The following SRD5A2 variants were observed in gnomAD, a reference collection of about 807,000 sequenced individuals.
SRD5A2 encodes 3-oxo-5-alpha-steroid 4-dehydrogenase 2.
A neutral mutation model predicts 27.4 loss-of-function variants in SRD5A2; 30 were observed. That is an observed-to-expected ratio of 1.10 (90% CI 0.82 to 1.49). The LOEUF is 1.49. Among genes scored for constraint, SRD5A2 ranks in the 40% most tolerant of loss-of-function variants. SRD5A2 has a pLI of 0.00. For synonymous variants in SRD5A2, 141 were observed against 133.6 expected (o/e 1.06, Z -0.38); for missense variants, 348 against 323.4 (o/e 1.08, Z -0.58).
At chr2:31,615,792 C>T in the SRD5A2 span, among the ~76,000 whole-genome samples, 2 of 152,130 alleles carry the variant, frequency 1.3e-5, no homozygotes, top group South Asian at 4.1e-4. Flanking sequence ...GCAGCTTGTC[C>T]AATCAAGAGG....
chr2:31,649,701 T>C, the SRD5A2 span, among the ~76,000 whole-genome samples: 2 of 152,068 alleles, frequency 1.3e-5, no homozygotes, highest in Admixed American at 6.5e-5. Flanking sequence ...GAGTGTATCA[T>C]TGTAATTTCT....
intron 1 of SRD5A2, among the ~76,000 whole-genome samples, chr2:31,578,708 C>A (rs373315851): frequency 9.2e-5 from 14 of 152,194 alleles, no homozygotes; most frequent in African/African-American, 3.4e-4. Flanking sequence ...ATCTCCAAGT[C>A]CTTTACTAAT....
chr2:31,657,378 T>G, the SRD5A2 span, among the ~76,000 whole-genome samples: 4 of 152,190 alleles, frequency 2.6e-5, no homozygotes, highest in Non-Finnish European at 5.9e-5. Flanking sequence ...ATTTAATGAT[T>G]TATAATAGGT....
At chr2:31,574,907 T>C (rs763420123) in intron 1 of SRD5A2, among the ~76,000 whole-genome samples, 2 of 152,236 alleles carry the variant, frequency 1.3e-5, no homozygotes, top group Non-Finnish European at 1.5e-5. Flanking sequence ...ACCACATTCA[T>C]CTGTTTACAT....
Position 31,550,409 on chromosome 2 carries a change from A to C in SRD5A2, c.282-16643T>G, listed in dbSNP as rs1208712170. On this transcript the variant is annotated intron_variant, in intron 1 of 4. Transcript: ENST00000622030. ...TATTACCCTAATCCAAAAAAAAAAA[A>C]GGTAAAGATAAACCAGATAAAGACA... Among the ~76,000 whole-genome samples the C allele has an allele frequency of 4.0e-5, 6 of 151,230 alleles. No homozygotes were observed. The South Asian group carries it at 1.2e-3, about 31-fold the overall frequency.
the SRD5A2 span, among the ~76,000 whole-genome samples, chr2:31,621,948 T>G: frequency 1.1e-5 from 1 of 91,868 alleles, no homozygotes; most frequent in South Asian, 3.4e-4. Flanking sequence ...CTGACAGGTT[T>G]GTAATTTTTT....
chr2:31,629,743 C>T, the SRD5A2 span, among the ~76,000 whole-genome samples: 471 of 152,254 alleles, frequency 3.1e-3, 4 homozygotes, highest in African/African-American at 0.011. Context: ...GTTGCCCATG[C>T]GTGCACCCCT....
upstream of SRD5A2, among the ~76,000 whole-genome samples, chr2:31,583,928 G>C (rs1231561186): frequency 6.6e-6 from 1 of 152,114 alleles, no homozygotes; most frequent in African/African-American, 2.4e-5. Flanking sequence ...GTGGGCAAGA[G>C]CCTTTACTGT....
chr2:31,611,939 G>C, the SRD5A2 span, among the ~76,000 whole-genome samples: 2 of 152,124 alleles, frequency 1.3e-5, no homozygotes, highest in Non-Finnish European at 2.9e-5. Context: ...AGAAAAACAA[G>C]TTGGGGCATA....
the SRD5A2 span, among the ~76,000 whole-genome samples, chr2:31,592,158 TAA>T: frequency 4.3e-5 from 6 of 140,714 alleles, no homozygotes; most frequent in African/African-American, 2.6e-5. Context: ...TTTCAGCAAT[TAA>T]AAAAAAAAAA....
the SRD5A2 span, among the ~76,000 whole-genome samples, chr2:31,643,875 C>T: frequency 4.6e-5 from 7 of 152,160 alleles, no homozygotes; most frequent in South Asian, 8.3e-4. Flanking sequence ...GGAACACTTC[C>T]TTACAATAGA....
chr2:31,569,507 T>C (rs1405576286), intron 1 of SRD5A2, among the ~76,000 whole-genome samples: 1 of 152,154 alleles, frequency 6.6e-6, no homozygotes, highest in African/African-American at 2.4e-5. Flanking sequence ...ATAATGAGCA[T>C]CCTTTCATGT....
At chr2:31,654,833 A>G in the SRD5A2 span, among the ~76,000 whole-genome samples, 3 of 152,144 alleles carry the variant, frequency 2.0e-5, no homozygotes, top group Non-Finnish European at 4.4e-5. Context: ...GAGACATGCT[A>G]AATCCTCTTC....
chr2:31,616,713 C>T, the SRD5A2 span, among the ~76,000 whole-genome samples: 2 of 152,258 alleles, frequency 1.3e-5, no homozygotes, highest in South Asian at 2.1e-4. Flanking sequence ...AAGGGACTTG[C>T]CTTGCTTCAG....
chr2:31,648,920 C>A, the SRD5A2 span, among the ~76,000 whole-genome samples: 1 of 152,186 alleles, frequency 6.6e-6, no homozygotes. Context: ...CAGGCACCTG[C>A]ATTCCTAGAA....
chr2:31,593,684 A>G, the SRD5A2 span, among the ~76,000 whole-genome samples: 1 of 152,254 alleles, frequency 6.6e-6, no homozygotes, highest in Non-Finnish European at 1.5e-5. Context: ...TCCAAATACA[A>G]GAAGTTCAAA....
intron 1 of SRD5A2, among the ~76,000 whole-genome samples, chr2:31,544,905 G>C (rs561522801): frequency 1.6e-4 from 24 of 151,796 alleles, no homozygotes; most frequent in Admixed American, 4.6e-4. Context: ...AGAATTCTAA[G>C]ACAGCACTAT....
chr2:31,594,178 A>G, the SRD5A2 span, among the ~76,000 whole-genome samples: 1 of 152,344 alleles, frequency 6.6e-6, no homozygotes, highest in East Asian at 1.9e-4. Context: ...TAGCATGATG[A>G]ACACAACAGT....
At chr2:31,614,854 C>T in the SRD5A2 span, among the ~76,000 whole-genome samples, 2 of 152,134 alleles carry the variant, frequency 1.3e-5, no homozygotes, top group African/African-American at 4.8e-5. Flanking sequence ...AATTGTAGCT[C>T]CCATAATTCC....
Sources: gnomAD v4.1 joint callset for allele counts (sites outside exome capture counted in the v4.1 genomes callset) on GRCh38, gnomAD v4.1.1 for gene constraint, MANE v1.5 for transcripts, NCBI Gene and HGNC (gene_info 2026-07-23, HGNC 2026-07-21) for gene names.